The following PTPRM variants were observed in gnomAD, a reference collection of about 807,000 sequenced individuals.
PTPRM encodes the protein receptor-type tyrosine-protein phosphatase mu.
Under a neutral mutation model 186.7 loss-of-function variants are expected in PTPRM, and 47 were observed. That is an observed-to-expected ratio of 0.25 (90% CI 0.20 to 0.32). The LOEUF (loss-of-function observed/expected upper bound fraction) is 0.32. Ranked by LOEUF, PTPRM falls within the 10% of genes least tolerant of loss-of-function variation. The probability of loss-of-function intolerance (pLI) is 1.00; values close to 1 mark genes in which losing one functional copy is unlikely to be tolerated. For missense variants in PTPRM, 1,494 were observed against 1,865.0 expected, an observed-to-expected ratio of 0.80 and a Z score of 3.66; for synonymous variants, 668 against 674.9, an observed-to-expected ratio of 0.99 and a Z score of 0.16.
intron 3 of PTPRM, among the ~76,000 whole-genome samples, chr18:7,898,147 G>C (rs2049465346): frequency 6.6e-6 from 1 of 152,140 alleles, no homozygotes. Flanking sequence ...AAACTTTACT[G>C]TATATGTTTT....
chr18:8,017,065 G>T (rs1302827557), intron 7 of PTPRM, among the ~76,000 whole-genome samples: 1 of 152,068 alleles, frequency 6.6e-6, no homozygotes, highest in East Asian at 1.9e-4. Flanking sequence ...ACATACGAGT[G>T]GGGTAGCTCT....
rs1007529515 is a variant in PTPRM, at chr18:7,831,842, AT to A, written c.197-56259del. On this transcript the variant is annotated intron_variant, in intron 2 of 32. Transcript: ENST00000580170. Reference sequence around the variant, plus strand: ...TGTCTCCATGAGTTCAATTGTTTTGATTTTTAGATTCCACAAATAAGTGAGA... The same window carrying A: ...TGTCTCCATGAGTTCAATTGTTTTGATTTTAGATTCCACAAATAAGTGAGA... Among the ~76,000 whole-genome samples, 9 of 152,140 alleles carry A rather than the reference AT, an allele frequency of 5.9e-5. No homozygotes were observed. The East Asian group carries it at 9.7e-4, about 16-fold the overall frequency.
Position 7,676,627 on chromosome 18 carries a change from CTGTG to C in PTPRM, c.74-97490_74-97487del, listed in dbSNP as rs751900694. On this transcript the variant is annotated intron_variant, in intron 1 of 32. Transcript: ENST00000580170. The stretch of plus-strand genomic sequence containing the variant: ...TTTTCTGTCAGCCAGGAGATTCTAG[CTGTG>C]TGTGTGTGTGTGTGTGTGTGTGTGT... Among the ~76,000 whole-genome samples the C allele has an allele frequency of 8.0e-3, 1,137 of 141,406 alleles. 8 individuals are homozygous for C. Among genetic ancestry groups the C allele is most frequent in the Middle Eastern group, 0.033 (9 of 274 alleles). 92.8% of individuals were successfully genotyped at this position (141,406 alleles called of 152,430 possible). A position where few individuals can be genotyped will look rare whatever the true frequency, so the allele number is the denominator to read the frequency against.
At chr18:8,250,560 G>A (rs1267465662) in intron 17 of PTPRM, among the ~76,000 whole-genome samples, 2 of 151,884 alleles carry the variant, frequency 1.3e-5, no homozygotes, top group Non-Finnish European at 2.9e-5. Flanking sequence ...CAGGAAGATC[G>A]CTTGAGGCCA....
chr18:7,758,279 A>G (rs143060255), intron 1 of PTPRM, among the ~76,000 whole-genome samples: 1 of 152,200 alleles, frequency 6.6e-6, no homozygotes, highest in African/African-American at 2.4e-5. Context: ...AAGCTCTTCA[A>G]AGTTTCAGAA....
chr18:7,673,113 A>G (rs574875820), intron 1 of PTPRM, among the ~76,000 whole-genome samples: 1 of 152,192 alleles, frequency 6.6e-6, no homozygotes, highest in Non-Finnish European at 1.5e-5. Flanking sequence ...GGACTTGACC[A>G]TAGTGGAGAG....
chr18:8,366,717 C>T (rs1166269325), intron 23 of PTPRM: 1 of 152,274 alleles, frequency 6.6e-6, no homozygotes, highest in African/African-American at 2.4e-5. Flanking sequence ...TCCTGCCGCC[C>T]TCTGGCAGTA....
At chr18:8,008,382 C>A (rs1161410396) in intron 7 of PTPRM, among the ~76,000 whole-genome samples, 1 of 152,102 alleles carries the variant, frequency 6.6e-6, no homozygotes, top group African/African-American at 2.4e-5. Flanking sequence ...AAAGTTTGAT[C>A]TTTCAGCTTA....
intron 32 of PTPRM, among the ~76,000 whole-genome samples, chr18:8,405,821 C>A (rs138303501): frequency 1.3e-5 from 2 of 152,286 alleles, no homozygotes; most frequent in East Asian, 3.9e-4. Context: ...ATGTTGATAT[C>A]CTGGAAAATA....
intron 7 of PTPRM, among the ~76,000 whole-genome samples, chr18:8,003,784 G>C (rs9951610): frequency 0.025 from 3,734 of 152,248 alleles, 138 homozygotes; most frequent in African/African-American, 0.085. Context: ...CACATTTGAG[G>C]GCCTATTACA....
At chr18:8,305,597 TC>T (rs1164564407) in intron 20 of PTPRM, among the ~76,000 whole-genome samples, 2 of 152,238 alleles carry the variant, frequency 1.3e-5, no homozygotes, top group Non-Finnish European at 2.9e-5. Context: ...GGATTCTGGC[TC>T]GGGAGCCCGG....
chr18:8,172,795 C>G (rs1464461289), intron 14 of PTPRM, among the ~76,000 whole-genome samples: 1 of 152,078 alleles, frequency 6.6e-6, no homozygotes, highest in Non-Finnish European at 1.5e-5. Context: ...CCTGATTCTG[C>G]TGTTGCTTTA....
chr18:7,678,245 T>C (rs2039394522), intron 1 of PTPRM, among the ~76,000 whole-genome samples: 1 of 152,154 alleles, frequency 6.6e-6, no homozygotes, highest in South Asian at 2.1e-4. Context: ...GGCTTCACGC[T>C]CAGGGGTAGG....
chr18:8,324,074 A>T (rs1379687686), intron 22 of PTPRM, among the ~76,000 whole-genome samples: 2 of 152,212 alleles, frequency 1.3e-5, no homozygotes, highest in Non-Finnish European at 2.9e-5. Flanking sequence ...TTTTAAAATT[A>T]TACTTTAAGT....
chr18:7,979,210 T>C lies in PTPRM; in HGVS notation c.1132+23796T>C, dbSNP rs186569643. 1.7e-4 allele frequency among the ~76,000 whole-genome samples: 26 copies of C among 152,332 alleles called. No individual in the cohort carries two copies. In the East Asian group the frequency reaches 4.6e-3, roughly 27 times the overall value. On this transcript the variant is annotated intron_variant, in intron 7 of 32. Coordinates refer to ENST00000580170, the MANE Select transcript of PTPRM (RefSeq NM_001105244.2). The stretch of plus-strand genomic sequence containing the variant: ...GAGTCCTTTGTTCTGGCCACCTTTG[T>C]CTGACCCTGTCTAAGTATATAAAAA...
intron 1 of PTPRM, among the ~76,000 whole-genome samples, chr18:7,731,858 C>T (rs1252740401): frequency 1.3e-5 from 2 of 152,170 alleles, no homozygotes; most frequent in Non-Finnish European, 2.9e-5. Context: ...CTCCAACCTA[C>T]TAACATTAGA....
At chr18:8,185,530 T>C (rs1467916484) in intron 14 of PTPRM, among the ~76,000 whole-genome samples, 3 of 152,216 alleles carry the variant, frequency 2.0e-5, no homozygotes, top group African/African-American at 7.2e-5. Flanking sequence ...CTATTCAGGT[T>C]TGTCACTAGA....
At chr18:7,597,830 C>T (rs1250998993) in intron 1 of PTPRM, among the ~76,000 whole-genome samples, 1 of 152,092 alleles carries the variant, frequency 6.6e-6, no homozygotes, top group Non-Finnish European at 1.5e-5. Flanking sequence ...AAAGAGAGTA[C>T]AAATTTGCAA....
At chr18:7,684,025 T>G (rs1342002824) in intron 1 of PTPRM, among the ~76,000 whole-genome samples, 3 of 152,142 alleles carry the variant, frequency 2.0e-5, no homozygotes, top group African/African-American at 7.2e-5. Flanking sequence ...CTGCAGTGGT[T>G]TATCCAGTGG....
Sources: gnomAD v4.1 joint callset for allele counts (sites outside exome capture counted in the v4.1 genomes callset) on GRCh38, gnomAD v4.1.1 for gene constraint, MANE v1.5 for transcripts, NCBI Gene and HGNC (gene_info 2026-07-23, HGNC 2026-07-21) for gene names.